Variants in RPS6KA5 observed in about 807,000 individuals in gnomAD.
RPS6KA5 encodes the protein ribosomal protein S6 kinase A5, also known as ribosomal protein S6 kinase alpha-5.
RPS6KA5 carries 27 observed loss-of-function variants against 85.5 expected under a neutral mutation model. The observed-to-expected ratio is 0.32, with a 90% confidence interval of 0.23 to 0.44. The LOEUF is 0.44. Among genes scored for constraint, RPS6KA5 ranks in the 20% least tolerant of loss-of-function variants. The pLI, the probability that RPS6KA5 is intolerant of heterozygous loss-of-function variation, is 1.00. For synonymous variants in RPS6KA5, 334 were observed against 348.2 expected, an observed-to-expected ratio of 0.96 and a Z score of 0.46; for missense variants, 811 against 980.9, an observed-to-expected ratio of 0.83 and a Z score of 2.31.
intron 2 of RPS6KA5, among the ~76,000 whole-genome samples, chr14:90,986,020 T>C (rs1484637703): frequency 6.6e-6 from 1 of 151,646 alleles, no homozygotes; most frequent in Non-Finnish European, 1.5e-5. Context: ...CTAGGGGGAG[T>C]ATTCAGACTA....
chr14:91,060,235 G>T, intron 1 of RPS6KA5, 97 bp downstream of exon 1: 2 of 957,378 alleles, frequency 2.1e-6, no homozygotes, highest in Non-Finnish European at 2.5e-6. Flanking sequence ...CCGCGCCCAC[G>T]GCTGCGGCCC....
At chr14:90,956,029 C>T (rs746377472) in intron 3 of RPS6KA5, among the ~76,000 whole-genome samples, 1 of 152,054 alleles carries the variant, frequency 6.6e-6, no homozygotes, top group Admixed American at 6.5e-5. Flanking sequence ...AAGAAAAAAC[C>T]GTTTAACAAC....
chr14:91,042,020 A>G (rs2139892266), intron 1 of RPS6KA5, among the ~76,000 whole-genome samples: 1 of 152,372 alleles, frequency 6.6e-6, no homozygotes, highest in East Asian at 1.9e-4. Flanking sequence ...AAAAGGAGAA[A>G]GAGAACATTA....
intron 2 of RPS6KA5, among the ~76,000 whole-genome samples, chr14:90,991,180 G>A (rs1057391903): frequency 1.3e-5 from 2 of 152,122 alleles, no homozygotes; most frequent in Non-Finnish European, 2.9e-5. Flanking sequence ...AAAACTGCAC[G>A]AAAATGTTGT....
At chr14:90,905,647 C>T (rs2140244553) in intron 8 of RPS6KA5, among the ~76,000 whole-genome samples, 1 of 152,196 alleles carries the variant, frequency 6.6e-6, no homozygotes, top group Non-Finnish European at 1.5e-5. Context: ...AAATGAGTAA[C>T]ACTCTATGTG....
intron 14 of RPS6KA5, among the ~76,000 whole-genome samples, chr14:90,885,741 C>CAAAAAAA (rs11312699): frequency 0.013 from 358 of 27,956 alleles, 4 homozygotes; most frequent in East Asian, 0.015. Context: ...GACTCCATCT[C>CAAAAAAA]AAAAAAAAAA....
intron 14 of RPS6KA5, among the ~76,000 whole-genome samples, chr14:90,885,096 T>C (rs762168946): frequency 6.6e-6 from 1 of 150,730 alleles, no homozygotes; most frequent in Non-Finnish European, 1.5e-5. Flanking sequence ...CTACAAAAAA[T>C]ACAAAAATTA....
intron 1 of RPS6KA5, among the ~76,000 whole-genome samples, chr14:91,006,732 CT>C (rs896718953): frequency 2.6e-5 from 4 of 151,458 alleles, no homozygotes; most frequent in African/African-American, 9.7e-5. Context: ...CCATTCTAAC[CT>C]TTTTTTTTAT....
chr14:90,850,051 T>A lies in RPS6KA5; in HGVS notation c.*22023A>T, dbSNP rs531098669. On this transcript the variant is annotated 3_prime_UTR_variant, in exon 17 of 17. Transcript: ENST00000614987. ...AAAGGAATCCCCAGTCTCTTTGAAG[T>A]ATGTGCCTTAGAAGGAAAGTTTCAG... 2 of 152,232 alleles carry A rather than the reference T, an allele frequency of 1.3e-5. No homozygotes were observed. The highest frequency in any genetic ancestry group is 4.8e-5 in the African/African-American group (2 of 41,452). The allele number at this position is 152,232 out of a possible 1,614,324, so 9.4% of individuals were successfully genotyped here.
At chr14:90,911,248 T>C (rs1488692695) in intron 7 of RPS6KA5, 1 of 152,224 alleles carries the variant, frequency 6.6e-6, no homozygotes, top group Non-Finnish European at 1.5e-5. Flanking sequence ...ACATAGCAAC[T>C]CCTCAACAAA....
rs182840275 is a variant in RPS6KA5 at position 90,951,883 on chromosome 14, G to A, written c.395-4333C>T. Among the ~76,000 whole-genome samples, 33 of 152,168 alleles carry A rather than the reference G, an allele frequency of 2.2e-4. No individual in the cohort carries two copies. In the East Asian group the frequency reaches 5.8e-3, roughly 27 times the overall value. ...GTCCGGACTGCGAGTATGGGAAGGG[G>A]AAACTTTTCTGTCTGTTGTCCCCAC... On this transcript the variant is annotated intron_variant, in intron 3 of 16. Coordinates refer to ENST00000614987, the MANE Select transcript of RPS6KA5 (RefSeq NM_004755.4).
intron 11 of RPS6KA5, 24 bp from the exon 12 acceptor site, chr14:90,899,446 C>T (rs1203673947): frequency 6.5e-7 from 1 of 1,533,888 alleles, no homozygotes; most frequent in Non-Finnish European, 9.0e-7. Flanking sequence ...CACTTAGCAT[C>T]CACATGTCTC....
chr14:90,887,650 A>G (rs2034310946), intron 14 of RPS6KA5, among the ~76,000 whole-genome samples: 1 of 152,136 alleles, frequency 6.6e-6, no homozygotes, highest in Non-Finnish European at 1.5e-5. Flanking sequence ...ATTTAATTTG[A>G]ATTTAATAAA....
chr14:91,002,729 A>C (rs967702796), intron 1 of RPS6KA5, among the ~76,000 whole-genome samples: 4 of 152,196 alleles, frequency 2.6e-5, no homozygotes, highest in African/African-American at 9.6e-5. Context: ...AACCATATGT[A>C]CGTTGTTATG....
intron 1 of RPS6KA5, among the ~76,000 whole-genome samples, chr14:91,047,013 C>T (rs1335611829): frequency 7.0e-6 from 1 of 143,830 alleles, no homozygotes; most frequent in Non-Finnish European, 1.5e-5. Flanking sequence ...CATCACTGCA[C>T]TACAGCCTGG....
chr14:91,049,528 T>C (rs1272838009), intron 1 of RPS6KA5, among the ~76,000 whole-genome samples: 3 of 151,960 alleles, frequency 2.0e-5, no homozygotes, highest in African/African-American at 7.3e-5. Flanking sequence ...GGCAGGAGAA[T>C]GGCGTGAACC....
Position 90,860,427 on chromosome 14 carries a change from G to GGGAGGTACCT in RPS6KA5, c.*11646_*11647insAGGTACCTCC, listed in dbSNP as rs1317630348. 6.6e-6 allele frequency: 1 copy of GGGAGGTACCT among 152,258 alleles called. No homozygotes were observed. Among genetic ancestry groups the GGGAGGTACCT allele is most frequent in the African/African-American group, 2.4e-5 (1 of 41,424 alleles). 9.4% of individuals were successfully genotyped at this position (152,258 alleles called of 1,614,324 possible). ...TGCATGCCTGTAATCCCAGCTACCT[G>GGGAGGTACCT]GGAGGCTGAGACACAAGAATCACTT... On this transcript the variant is annotated 3_prime_UTR_variant, in exon 17 of 17. Coordinates refer to ENST00000614987, the MANE Select transcript of RPS6KA5 (RefSeq NM_004755.4).
At position 90,900,224 on chromosome 14, in the gene RPS6KA5, T is replaced by C. The variant is rs1223749414; in HGVS notation, c.1263A>G (p.Gln421=). The C allele has an allele frequency of 1.3e-6, 2 of 1,592,852 alleles. No homozygotes were observed. Among genetic ancestry groups the C allele is most frequent in the Non-Finnish European group, 1.7e-6 (2 of 1,169,114 alleles). ...TGTCCTTCAAATCTAGGTCATAGTG[T>C]TGATAGAATGGAGAGTCCTGTCAAG... ...SAMMKDSPFY[Q]HYDLDLKDKP... The change falls in exon 11 of 17, where the codon CAA becomes CAG. Residue 421 remains glutamine, a synonymous_variant. Coordinates refer to ENST00000614987, the MANE Select transcript of RPS6KA5 (RefSeq NM_004755.4).
chr14:90,903,934 A>C (rs945813005), intron 8 of RPS6KA5, among the ~76,000 whole-genome samples: 1 of 149,650 alleles, frequency 6.7e-6, no homozygotes. Flanking sequence ...TAGTAAGTTT[A>C]ATCAACTACC....
Sources: allele counts gnomAD v4.1 joint callset (sites outside exome capture counted in the v4.1 genomes callset), GRCh38; gene constraint gnomAD v4.1.1; transcripts MANE v1.5; gene names NCBI Gene and HGNC (gene_info 2026-07-23, HGNC 2026-07-21).